PSD2: variants seen among roughly 807,000 people sequenced by gnomAD.
The protein encoded by PSD2 is pleckstrin and Sec7 domain containing 2, also known as PH and SEC7 domain-containing protein 2.
A neutral mutation model predicts 69.8 loss-of-function variants in PSD2; 38 were observed. The observed-to-expected ratio is 0.54, with a 90% CI of 0.42 to 0.71. The LOEUF (loss-of-function observed/expected upper bound fraction) is 0.71, where lower values mean the gene tolerates loss of function less well. Among genes scored for constraint, PSD2 ranks in the 30% least tolerant of loss-of-function variants. The probability of loss-of-function intolerance (pLI) is 0.00; values close to 1 mark genes in which losing one functional copy is unlikely to be tolerated. For missense variants in PSD2, 943 were observed against 1,014.5 expected, an observed-to-expected ratio of 0.93 and a Z score of 0.96; for synonymous variants, 412 against 423.0, an observed-to-expected ratio of 0.97 and a Z score of 0.32.
At chr5:139,833,571 A>C (rs1760643934) in intron 7 of PSD2, 131 bp from the exon 8 acceptor site, 2 of 702,938 alleles carry the variant, frequency 2.8e-6, no homozygotes, top group Admixed American at 1.9e-5. Flanking sequence ...AGACAAAAGA[A>C]AATTCACGCA....
chr5:139,805,110 A>G (rs1382865332), intron 1 of PSD2, among the ~76,000 whole-genome samples: 1 of 152,114 alleles, frequency 6.6e-6, no homozygotes, highest in Non-Finnish European at 1.5e-5. Context: ...GTGCCTACCC[A>G]TACCTGTATT....
At chr5:139,781,883 C>G in the PSD2 span, among the ~76,000 whole-genome samples, 2 of 151,906 alleles carry the variant, frequency 1.3e-5, no homozygotes, top group African/African-American at 4.8e-5. Context: ...ATCCGCCCAC[C>G]TCGGCCTCCC....
chr5:139,800,537 A>T (rs558762689), intron 1 of PSD2, among the ~76,000 whole-genome samples: 2 of 152,322 alleles, frequency 1.3e-5, no homozygotes, highest in Admixed American at 1.3e-4. Flanking sequence ...GGCTTCCCAA[A>T]GTGCTGGGAT....
chr5:139,749,512 C>T, the PSD2 span, among the ~76,000 whole-genome samples: 1 of 152,246 alleles, frequency 6.6e-6, no homozygotes, highest in Non-Finnish European at 1.5e-5. Flanking sequence ...GGATCCTCCC[C>T]AGAATCCTGT....
intron 14 of PSD2, 22 bp from the exon 15 acceptor site, chr5:139,842,249 C>T: frequency 1.2e-6 from 2 of 1,608,012 alleles, no homozygotes; most frequent in Non-Finnish European, 1.7e-6. Flanking sequence ...GTCTTTTGAC[C>T]TTGTGTTTGG....
chr5:139,795,668 G>A (rs2126917989), upstream of PSD2, among the ~76,000 whole-genome samples: 1 of 151,714 alleles, frequency 6.6e-6, no homozygotes, highest in Admixed American at 6.6e-5. The surrounding 1 kb of genome is among the most constrained non-coding windows in gnomAD (Gnocchi z 4.5). Context: ...TGCGCTGCAA[G>A]CGGACAGGGC....
chr5:139,822,689 G>C, intron 6 of PSD2, 37 bp from the exon 7 acceptor site: 1 of 1,581,728 alleles, frequency 6.3e-7, no homozygotes, highest in Non-Finnish European at 8.6e-7. Context: ...GAAGAGGTTG[G>C]ATCCTCGCAC....
the PSD2 span, among the ~76,000 whole-genome samples, chr5:139,788,167 C>A: frequency 8.9e-6 from 1 of 111,948 alleles, no homozygotes; most frequent in Non-Finnish European, 1.8e-5. Flanking sequence ...GCGGAGAGCC[C>A]GCCCCCCCCG....
chr5:139,752,702 A>T, the PSD2 span, among the ~76,000 whole-genome samples: 1 of 152,176 alleles, frequency 6.6e-6, no homozygotes, highest in Non-Finnish European at 1.5e-5. Context: ...ACACAAGCAC[A>T]TCTGCACAGT....
chr5:139,837,868 C>A lies in PSD2; in HGVS notation c.1823+86C>A. 7.5e-7 allele frequency: 1 copy of A among 1,335,596 alleles called. No individual in the cohort carries two copies. The highest frequency in any genetic ancestry group is 1.0e-6 in the Non-Finnish European group (1 of 965,788). 82.7% of individuals were successfully genotyped at this position (1,335,596 alleles called of 1,614,324 possible). A position where few individuals can be genotyped will look rare whatever the true frequency, so the allele number is the denominator to read the frequency against. ...CACAACCCCTCTCCTTCCCGTGAGTCAGCAACAGAGCATGTGTATCCACAT... is the reference window on the plus strand; with the variant it reads ...CACAACCCCTCTCCTTCCCGTGAGTAAGCAACAGAGCATGTGTATCCACAT... On this transcript the variant is annotated intron_variant, in intron 12 of 14. Coordinates refer to ENST00000274710, the MANE Select transcript of PSD2 (RefSeq NM_032289.4). The surrounding 1 kb of genome is among the most constrained non-coding windows in gnomAD (Gnocchi z 5.0).
the PSD2 span, among the ~76,000 whole-genome samples, chr5:139,748,120 A>AC: frequency 4.0e-5 from 6 of 151,178 alleles, no homozygotes; most frequent in African/African-American, 1.2e-4. Flanking sequence ...TATTCACGTG[A>AC]CCCCCGGGGC....
the PSD2 span, among the ~76,000 whole-genome samples, chr5:139,780,850 T>G: frequency 6.6e-6 from 1 of 152,236 alleles, no homozygotes; most frequent in Non-Finnish European, 1.5e-5. Context: ...GACCCTTGGT[T>G]AACTCATTCA....
chr5:139,814,594 G>A lies in PSD2; in HGVS notation c.1016+230G>A, dbSNP rs1298393260. Among the ~76,000 whole-genome samples, 9 of 151,970 alleles carry A rather than the reference G, an allele frequency of 5.9e-5. No homozygotes were observed. The highest frequency in any genetic ancestry group is 1.0e-4 in the Non-Finnish European group (7 of 68,002). ...GATGCTCTCGGGGAGGGGTGGTGGC[G>A]GGCAGCCCCTCAGGGCTGGGGGTGC... On this transcript the variant is annotated intron_variant, in intron 4 of 14. Coordinates refer to ENST00000274710, the MANE Select transcript of PSD2 (RefSeq NM_032289.4). This position sits in a 1 kb window ranked among gnomAD's most constrained non-coding sequence, Gnocchi z 4.4.
intron 12 of PSD2, among the ~76,000 whole-genome samples, chr5:139,838,266 G>C (rs923607038): frequency 2.0e-5 from 3 of 152,204 alleles, no homozygotes; most frequent in African/African-American, 7.2e-5. Flanking sequence ...GCCAGTGCTG[G>C]GCAGGCAGCG....
chr5:139,775,669 C>G, the PSD2 span, among the ~76,000 whole-genome samples: 1 of 152,054 alleles, frequency 6.6e-6, no homozygotes. Flanking sequence ...TTCTCCTTCT[C>G]CTTTCTTCTT....
the PSD2 span, among the ~76,000 whole-genome samples, chr5:139,748,888 T>G: frequency 7.0e-6 from 1 of 143,688 alleles, no homozygotes; most frequent in Admixed American, 6.9e-5. Flanking sequence ...ACCTGATTTC[T>G]AGGAGCCCTG....
intron 7 of PSD2, among the ~76,000 whole-genome samples, chr5:139,828,974 C>T (rs1311029137): frequency 6.7e-6 from 1 of 149,734 alleles, no homozygotes. Context: ...GGGAAGAAGT[C>T]CAAGGGCTCA....
chr5:139,835,008 G>A (rs1036313315), intron 8 of PSD2, among the ~76,000 whole-genome samples: 3 of 148,532 alleles, frequency 2.0e-5, no homozygotes, highest in South Asian at 2.2e-4. Context: ...CCATTCACCC[G>A]TCACCCACAC....
chr5:139,842,188 G>A (rs1760885248), intron 14 of PSD2, 83 bp from the exon 15 acceptor site: 1 of 1,127,538 alleles, frequency 8.9e-7, no homozygotes, highest in South Asian at 1.4e-5. Flanking sequence ...GCATATTAAG[G>A]AAATTAGTCT....
Sources: allele counts gnomAD v4.1 joint callset (sites outside exome capture counted in the v4.1 genomes callset), GRCh38; gene constraint gnomAD v4.1.1; non-coding constraint Gnocchi (gnomAD v3.1); transcripts MANE v1.5; gene names NCBI Gene and HGNC (gene_info 2026-07-23, HGNC 2026-07-21).